GAS7: variants seen among roughly 807,000 people sequenced by gnomAD.
GAS7 encodes the protein growth arrest-specific protein 7.
Under a neutral mutation model 71.1 loss-of-function variants are expected in GAS7, and 28 were observed. That is an observed-to-expected ratio of 0.39 (90% CI 0.29 to 0.54). The LOEUF is 0.54. Ranked by LOEUF, GAS7 falls within the 20% of genes least tolerant of loss-of-function variation. The pLI is 0.62. For synonymous variants in GAS7, 258 were observed against 245.8 expected (o/e 1.05, Z -0.46); for missense variants, 436 against 627.8 (o/e 0.69, Z 3.27).
chr17:10,038,902 T>C (rs1409320532), intron 1 of GAS7, among the ~76,000 whole-genome samples: 2 of 152,038 alleles, frequency 1.3e-5, no homozygotes, highest in African/African-American at 4.8e-5. Context: ...ACCATGTGGA[T>C]GGACCTTAAG....
intron 1 of GAS7, among the ~76,000 whole-genome samples, chr17:10,085,320 G>A (rs1012188706): frequency 3.7e-4 from 56 of 152,116 alleles, no homozygotes; most frequent in African/African-American, 1.2e-3. Context: ...TGTCAGCCAC[G>A]AAGCCAACTT....
intron 1 of GAS7, among the ~76,000 whole-genome samples, chr17:10,023,330 G>A (rs1231731036): frequency 3.3e-5 from 5 of 152,184 alleles, no homozygotes; most frequent in Non-Finnish European, 7.3e-5. Context: ...AAGACATGGA[G>A]ACAACCAGGT....
chr17:9,956,589 A>G (rs1352200892), intron 5 of GAS7, among the ~76,000 whole-genome samples: 4 of 152,026 alleles, frequency 2.6e-5, no homozygotes, highest in African/African-American at 9.7e-5. Flanking sequence ...CCAGCCCCAC[A>G]CCAGGGACAG....
intron 1 of GAS7, among the ~76,000 whole-genome samples, chr17:10,159,246 A>G (rs2074232737): frequency 6.6e-6 from 1 of 151,676 alleles, no homozygotes; most frequent in Non-Finnish European, 1.5e-5. Context: ...ACTATTTGGT[A>G]GTATTTCCCA....
chr17:10,181,300 C>T (rs2074414591), intron 1 of GAS7, among the ~76,000 whole-genome samples: 1 of 150,664 alleles, frequency 6.6e-6, no homozygotes, highest in Admixed American at 6.6e-5. Flanking sequence ...GTGGAGATTG[C>T]AGTGAGCTGA....
chr17:10,101,234 G>T (rs1041901332), intron 1 of GAS7, among the ~76,000 whole-genome samples: 1 of 152,140 alleles, frequency 6.6e-6, no homozygotes, highest in Non-Finnish European at 1.5e-5. Flanking sequence ...TGTCAGCCAG[G>T]GCTGTAGTCA....
chr17:10,105,520 C>A (rs1230455638), intron 1 of GAS7, among the ~76,000 whole-genome samples: 2 of 152,144 alleles, frequency 1.3e-5, no homozygotes, highest in African/African-American at 4.8e-5. Context: ...TTCTAGCATT[C>A]CCAGGATGAG....
In GAS7 at chr17:9,969,566, G is replaced by A; in HGVS notation, c.471+111C>T. ...AGACACAGCAACCACTTTCTACCTG[G>A]GGGCAGAACTGGGCTGCAGCCACCT... On this transcript the variant is annotated intron_variant, in intron 4 of 13. Transcript: ENST00000432992. The surrounding 1 kb of genome is among the most constrained non-coding windows in gnomAD (Gnocchi z 5.5). 1 of 681,938 alleles carries A rather than the reference G, an allele frequency of 1.5e-6. No homozygotes were observed. Among genetic ancestry groups the A allele is most frequent in the South Asian group, 1.7e-5 (1 of 58,392 alleles). 42.2% of individuals were successfully genotyped at this position (681,938 alleles called of 1,614,324 possible). A position where few individuals can be genotyped will look rare whatever the true frequency, so the allele number is the denominator to read the frequency against.
At chr17:9,975,093 G>A (rs1284111967) in intron 3 of GAS7, among the ~76,000 whole-genome samples, 3 of 152,216 alleles carry the variant, frequency 2.0e-5, no homozygotes, top group Admixed American at 6.5e-5. Flanking sequence ...GGTGGCTCAC[G>A]CCTGAAATCC....
intron 1 of GAS7, among the ~76,000 whole-genome samples, chr17:10,032,641 T>C (rs2072649564): frequency 6.6e-6 from 1 of 152,208 alleles, no homozygotes; most frequent in South Asian, 2.1e-4. Flanking sequence ...ATCAAGGCAG[T>C]TAAATGTCCA....
intron 3 of GAS7, among the ~76,000 whole-genome samples, chr17:9,980,283 T>C (rs2070364236): frequency 6.6e-6 from 1 of 152,144 alleles, no homozygotes; most frequent in Non-Finnish European, 1.5e-5. Flanking sequence ...CAGGTCTCAA[T>C]GCTAGACAAT....
In GAS7 at chr17:10,093,502, G is replaced by A. The variant is rs562262824; in HGVS notation, c.184-73605C>T. On this transcript the variant is annotated intron_variant, in intron 1 of 13. Transcript: ENST00000432992. ...GAGAATCGCTTGAACCCAGGAGGCA[G>A]AGGTTGCAGTGAGCCAAGATCAGCC... 2.0e-5 allele frequency among the ~76,000 whole-genome samples: 3 copies of A among 149,260 alleles called. 1 individual carries two copies. The South Asian group carries it at 6.4e-4, about 32-fold the overall frequency.
chr17:9,992,307 T>G (rs1437328860), intron 2 of GAS7, among the ~76,000 whole-genome samples: 3 of 152,092 alleles, frequency 2.0e-5, no homozygotes, highest in African/African-American at 7.2e-5. Context: ...CATGGGTCTT[T>G]GCTACCTACT....
At chr17:10,045,452 T>C (rs897364792) in intron 1 of GAS7, among the ~76,000 whole-genome samples, 1 of 152,072 alleles carries the variant, frequency 6.6e-6, no homozygotes, top group African/African-American at 2.4e-5. Context: ...ATCCCAGCAT[T>C]TTGGGAGGCC....
intron 1 of GAS7, among the ~76,000 whole-genome samples, chr17:10,193,536 T>C (rs2074517922): frequency 6.6e-6 from 1 of 152,122 alleles, no homozygotes; most frequent in Non-Finnish European, 1.5e-5. Context: ...ACTTTCCCAA[T>C]AGAATGTGGC....
rs141809349 is a variant in GAS7, at chr17:10,036,371, A to G, written c.184-16474T>C. The G allele has an allele frequency of 1.9e-4, 244 of 1,290,618 alleles. 1 individual carries two copies. The African/African-American group carries it at 2.6e-3, about 14-fold the overall frequency. 79.9% of individuals were successfully genotyped at this position (1,290,618 alleles called of 1,614,324 possible). A position where few individuals can be genotyped will look rare whatever the true frequency, so the allele number is the denominator to read the frequency against. ...CTCTTTACCATGGCACAGTCATTTTAGAAACATGCAGAGAAAAGCAAACTG... is the reference window on the plus strand; with the variant it reads ...CTCTTTACCATGGCACAGTCATTTTGGAAACATGCAGAGAAAAGCAAACTG... On this transcript the variant is annotated intron_variant, in intron 1 of 13. Transcript: ENST00000432992.
At chr17:9,927,578 GTC>G (rs1424617607) in intron 9 of GAS7, among the ~76,000 whole-genome samples, 3 of 151,930 alleles carry the variant, frequency 2.0e-5, no homozygotes, top group African/African-American at 7.3e-5. Flanking sequence ...TTGTTCTTAT[GTC>G]TCTCTCCCTT....
intron 2 of GAS7, among the ~76,000 whole-genome samples, chr17:9,985,415 G>A (rs1156897071): frequency 2.0e-5 from 3 of 152,114 alleles, no homozygotes; most frequent in African/African-American, 7.2e-5. Flanking sequence ...AACTTGCCTC[G>A]CCGATCTCTA....
rs541980716 is a variant in GAS7 at position 10,159,864 on chromosome 17, C to T, written c.183+38344G>A. On this transcript the variant is annotated intron_variant, in intron 1 of 13. Coordinates refer to ENST00000432992, the MANE Select transcript of GAS7 (RefSeq NM_201433.2). ...GCAGTGGCACGATCTTGGCTCCCTGCAACCTCTGCCTCCCAGGCTCAAGTG... is the reference window on the plus strand; with the variant it reads ...GCAGTGGCACGATCTTGGCTCCCTGTAACCTCTGCCTCCCAGGCTCAAGTG... 4.0e-5 allele frequency among the ~76,000 whole-genome samples: 6 copies of T among 151,468 alleles called. 1 individual carries two copies. The South Asian group carries it at 1.2e-3, about 32-fold the overall frequency.
Sources: gnomAD v4.1 joint callset for allele counts (sites outside exome capture counted in the v4.1 genomes callset) on GRCh38, gnomAD v4.1.1 for gene constraint, Gnocchi (gnomAD v3.1) non-coding constraint, MANE v1.5 for transcripts, NCBI Gene and HGNC (gene_info 2026-07-23, HGNC 2026-07-21) for gene names.